Variants in MYCT1 observed in about 807,000 individuals in gnomAD.
MYCT1 encodes myc target protein 1.
In MYCT1, 12 loss-of-function variants were observed where a neutral mutation model predicts 15.0. The observed-to-expected ratio is 0.80, with a 90% confidence interval of 0.51 to 1.29. The LOEUF (loss-of-function observed/expected upper bound fraction) is 1.29. MYCT1 is among the 50% of genes most tolerant of loss of function. The probability of loss-of-function intolerance (pLI) is 0.00; values close to 1 mark genes in which losing one functional copy is unlikely to be tolerated. For synonymous variants in MYCT1, 104 were observed against 102.7 expected (o/e 1.01, Z -0.07); for missense variants, 287 against 279.1 (o/e 1.03, Z -0.20).
chr6:152,738,794 A>G, the MYCT1 span, among the ~76,000 whole-genome samples: 1 of 152,132 alleles, frequency 6.6e-6, no homozygotes, highest in Non-Finnish European at 1.5e-5. Flanking sequence ...GTGAGACATT[A>G]CTGTTTTAAT....
rs147864823 is a variant in MYCT1, at chr6:152,700,500, C to G, written c.196+2402C>G. Among the ~76,000 whole-genome samples the G allele has an allele frequency of 1.1e-3, 160 of 152,192 alleles. 2 individuals carry two copies. Among genetic ancestry groups the G allele is most frequent in the African/African-American group, 3.7e-3 (153 of 41,536 alleles). On this transcript the variant is annotated intron_variant, in intron 1 of 1. Transcript: ENST00000367245. ...ATCGGGTTATTACCAAAAACAATAG[C>G]TTGCATTTTCATAGCTATCACCCAC...
chr6:152,720,296 A>T (rs1338963761), intron 1 of MYCT1, among the ~76,000 whole-genome samples: 3 of 152,026 alleles, frequency 2.0e-5, no homozygotes, highest in Admixed American at 6.6e-5. Flanking sequence ...CTTAGGCTTG[A>T]ACTTGTATAG....
In MYCT1 at chr6:152,704,964, C is replaced by T. The variant is rs535336695; in HGVS notation, c.196+6866C>T. Reference sequence around the variant, plus strand: ...TGTATGTTAGGGCTCCAAGCTCCTGCGCAACTGAAACTGCATTTTTCTCTC... The same window carrying T: ...TGTATGTTAGGGCTCCAAGCTCCTGTGCAACTGAAACTGCATTTTTCTCTC... On this transcript the variant is annotated intron_variant, in intron 1 of 1. Transcript: ENST00000367245. Among the ~76,000 whole-genome samples, 9 of 152,236 alleles carry T rather than the reference C, an allele frequency of 5.9e-5. No individual in the cohort carries two copies. In the East Asian group the frequency reaches 1.2e-3, roughly 20 times the overall value.
chr6:152,737,808 T>C, the MYCT1 span, among the ~76,000 whole-genome samples: 16 of 152,286 alleles, frequency 1.1e-4, no homozygotes, highest in East Asian at 7.7e-4. Context: ...GCAGCTAATA[T>C]AATAGCTGTA....
chr6:152,737,119 C>A, the MYCT1 span, among the ~76,000 whole-genome samples: 1 of 152,090 alleles, frequency 6.6e-6, no homozygotes, highest in East Asian at 1.9e-4. Flanking sequence ...CATAGACTGT[C>A]TGGCTTTGAG....
intron 1 of MYCT1, among the ~76,000 whole-genome samples, chr6:152,700,708 C>T (rs1364746979): frequency 1.3e-5 from 2 of 152,142 alleles, no homozygotes; most frequent in African/African-American, 4.8e-5. Flanking sequence ...TGAAAATTTG[C>T]CATGTCCTCC....
chr6:152,698,254 G>A (rs1456069776), intron 1 of MYCT1, among the ~76,000 whole-genome samples, 156 bp downstream of exon 1: 8 of 151,240 alleles, frequency 5.3e-5, no homozygotes, highest in East Asian at 3.9e-4. Flanking sequence ...TATTTCATAC[G>A]TTTATTAGCA....
intron 1 of MYCT1, among the ~76,000 whole-genome samples, chr6:152,715,463 T>A (rs991048838): frequency 4.6e-5 from 7 of 152,198 alleles, no homozygotes; most frequent in African/African-American, 1.7e-4. Flanking sequence ...ACAATTTATT[T>A]TTTCCATGAA....
chr6:152,726,779 C>T (rs556021007), downstream of MYCT1, among the ~76,000 whole-genome samples: 1 of 152,260 alleles, frequency 6.6e-6, no homozygotes, highest in South Asian at 2.1e-4. Context: ...GACAGCCTGG[C>T]AATCAGGTCA....
chr6:152,701,840 C>T (rs2129068055), intron 1 of MYCT1, among the ~76,000 whole-genome samples: 1 of 152,330 alleles, frequency 6.6e-6, no homozygotes, highest in African/African-American at 2.4e-5. Context: ...ACTTCTCCAT[C>T]TGTCTCAATG....
In MYCT1 at chr6:152,722,201, C is replaced by G; in HGVS notation, c.656C>G (p.Thr219Arg). ...AACAGTCTTCGAGTGGGCCTTTCAA[C>G]ACCGCCCCCACCTGCCTATGAGTCC... ...SSNSLRVGLSTPPPPAYESII... is the reference protein window; with the variant it reads ...SSNSLRVGLSRPPPPAYESII... The change falls in exon 2 of 2, where the codon ACA becomes AGA. Residue 219 changes from threonine to arginine, a missense_variant. Transcript: ENST00000367245. 1 of 1,614,146 alleles carries G rather than the reference C, an allele frequency of 6.2e-7. No homozygotes were observed. Among genetic ancestry groups the G allele is most frequent in the Non-Finnish European group, 8.5e-7 (1 of 1,180,018 alleles).
the MYCT1 span, among the ~76,000 whole-genome samples, chr6:152,745,517 A>G: frequency 1.3e-5 from 2 of 152,170 alleles, no homozygotes; most frequent in Non-Finnish European, 2.9e-5. Context: ...TACTTTTCAG[A>G]TTTAAAATTC....
intron 1 of MYCT1, among the ~76,000 whole-genome samples, chr6:152,719,214 T>C (rs77039598): frequency 0.013 from 1,923 of 152,338 alleles, 46 homozygotes; most frequent in African/African-American, 0.043. Context: ...GAAATATATC[T>C]GTAGAACACA....
chr6:152,734,927 A>T, the MYCT1 span, among the ~76,000 whole-genome samples: 1 of 152,194 alleles, frequency 6.6e-6, no homozygotes, highest in Non-Finnish European at 1.5e-5. Context: ...TGAAAAATGC[A>T]TTTACTGGAA....
chr6:152,739,857 T>TAAC, the MYCT1 span, among the ~76,000 whole-genome samples: 5 of 152,140 alleles, frequency 3.3e-5, no homozygotes. Context: ...TATTTGTATG[T>TAAC]AACTCTTTAG....
At chr6:152,714,140 GA>G (rs1375120247) in intron 1 of MYCT1, among the ~76,000 whole-genome samples, 1 of 151,790 alleles carries the variant, frequency 6.6e-6, no homozygotes, top group African/African-American at 2.4e-5. Context: ...TGATATTGGT[GA>G]TTTTCTCTTT....
intron 1 of MYCT1, among the ~76,000 whole-genome samples, chr6:152,698,397 A>C (rs2099720775): frequency 6.6e-6 from 1 of 152,088 alleles, no homozygotes; most frequent in Non-Finnish European, 1.5e-5. Flanking sequence ...ATTAGGAAAT[A>C]GTGAGGATAA....
intron 1 of MYCT1, among the ~76,000 whole-genome samples, chr6:152,700,940 G>C (rs1338997505): frequency 1.3e-5 from 2 of 152,142 alleles, no homozygotes; most frequent in African/African-American, 4.8e-5. Context: ...AAAGGATTAT[G>C]CTCTTGGAGG....
Position 152,724,072 on chromosome 6 carries a change from T to C in MYCT1, c.*1819T>C, listed in dbSNP as rs563247990. Reference sequence around the variant, plus strand: ...ATAGAAAATGTTCTCTAATTAAACATGCCAAAAGGAAAAAGTAAGAGAAAG... The same window carrying C: ...ATAGAAAATGTTCTCTAATTAAACACGCCAAAAGGAAAAAGTAAGAGAAAG... On this transcript the variant is annotated 3_prime_UTR_variant, in exon 2 of 2. Coordinates refer to ENST00000367245, the MANE Select transcript of MYCT1 (RefSeq NM_025107.3). 1 of 151,594 alleles carries C rather than the reference T, an allele frequency of 6.6e-6. No homozygotes were observed. The highest frequency in any genetic ancestry group is 2.4e-5 in the African/African-American group (1 of 41,240). The allele number at this position is 151,594 out of a possible 1,614,324, so 9.4% of individuals were successfully genotyped here.
Sources: gnomAD v4.1 joint callset for allele counts (sites outside exome capture counted in the v4.1 genomes callset) on GRCh38, gnomAD v4.1.1 for gene constraint, MANE v1.5 for transcripts, NCBI Gene and HGNC (gene_info 2026-07-23, HGNC 2026-07-21) for gene names.